Variants in DACH2 observed in about 807,000 individuals in gnomAD.
The protein encoded by DACH2 is dachshund homolog 2.
DACH2 carries 17 observed loss-of-function variants against 35.8 expected under a neutral mutation model. The observed-to-expected ratio is 0.48, with a 90% CI of 0.33 to 0.71. The LOEUF (loss-of-function observed/expected upper bound fraction) is 0.71, where lower values mean the gene tolerates loss of function less well. DACH2 is among the 30% of genes least tolerant of loss of function. The pLI, the probability that DACH2 is intolerant of heterozygous loss-of-function variation, is 0.02. For missense variants in DACH2, 469 were observed against 472.7 expected (o/e 0.99, Z 0.07); for synonymous variants, 195 against 177.3 (o/e 1.10, Z -0.79).
intron 2 of DACH2, among the ~76,000 whole-genome samples, chrX:86,434,515 A>T (rs895825770): frequency 8.9e-6 from 1 of 111,890 alleles, no homozygotes; most frequent in African/African-American, 3.2e-5. Context: ...TTTTTAATAC[A>T]AGTAAAAGTA....
intron 4 of DACH2, among the ~76,000 whole-genome samples, chrX:86,670,483 G>A (rs1008387026): frequency 2.7e-5 from 3 of 111,754 alleles, no homozygotes; most frequent in African/African-American, 9.8e-5. Flanking sequence ...AATAAACATT[G>A]ATTTTTCTTC....
intron 2 of DACH2, among the ~76,000 whole-genome samples, chrX:86,504,478 T>TTATTTA (rs1485810561): frequency 1.5e-3 from 58 of 39,287 alleles, no homozygotes; most frequent in Middle Eastern, 0.016. Context: ...AAAATAGATC[T>TTATTTA]TATTTATTTA....
At position 86,709,895 on chromosome X, in the gene DACH2, G is replaced by A. The variant is rs908857313; in HGVS notation, c.932-4653G>A. 1.3e-4 allele frequency among the ~76,000 whole-genome samples: 15 copies of A among 112,022 alleles called. No individual in the cohort carries two copies. In the East Asian group the frequency reaches 4.2e-3, roughly 32 times the overall value. On this transcript the variant is annotated intron_variant, in intron 5 of 11. Transcript: ENST00000373125. Reference sequence around the variant, plus strand: ...AAATCCAAAATTGTCAACTTCAATTGTTCACAAAGATTTGGAACAACAGGA... The same window carrying A: ...AAATCCAAAATTGTCAACTTCAATTATTCACAAAGATTTGGAACAACAGGA...
At chrX:86,455,599 ACCTC>A (rs1237656547) in intron 2 of DACH2, among the ~76,000 whole-genome samples, 1 of 111,646 alleles carries the variant, frequency 9.0e-6, no homozygotes, top group African/African-American at 3.3e-5. Flanking sequence ...TTGTGTGGGA[ACCTC>A]CCTCCTCCAG....
rs1424926641 is a variant in DACH2 at position 86,537,122 on chromosome X, C to A, written c.640+22731C>A. On this transcript the variant is annotated intron_variant, in intron 3 of 11. Coordinates refer to ENST00000373125, the MANE Select transcript of DACH2 (RefSeq NM_053281.3). Reference sequence around the variant, plus strand: ...ACATTCCTTGCATTCTGTGTAATTGCAGAATTGGCACCATATGTAGGCTGC... The same window carrying A: ...ACATTCCTTGCATTCTGTGTAATTGAAGAATTGGCACCATATGTAGGCTGC... 3.6e-5 allele frequency among the ~76,000 whole-genome samples: 4 copies of A among 111,551 alleles called. No homozygotes were observed. In the South Asian group the frequency reaches 1.1e-3, roughly 32 times the overall value.
At chrX:86,270,958 T>C (rs1455717880) in intron 1 of DACH2, among the ~76,000 whole-genome samples, 1 of 112,067 alleles carries the variant, frequency 8.9e-6, no homozygotes, top group Non-Finnish European at 1.9e-5. Context: ...GTAATATCTT[T>C]CATTTGAATC....
chrX:86,442,925 T>C (rs755311817), intron 2 of DACH2, among the ~76,000 whole-genome samples: 13 of 111,832 alleles, frequency 1.2e-4, no homozygotes, highest in Non-Finnish European at 2.3e-4. Context: ...TTCTGTCCCA[T>C]GGGTCTATGT....
intron 2 of DACH2, among the ~76,000 whole-genome samples, chrX:86,435,902 G>A (rs1170224930): frequency 1.8e-5 from 2 of 111,621 alleles, no homozygotes; most frequent in African/African-American, 6.5e-5. Context: ...CAAGGGATTA[G>A]TGATCCAAAT....
chrX:86,621,241 A>C (rs2040066338), intron 3 of DACH2, among the ~76,000 whole-genome samples: 1 of 111,691 alleles, frequency 9.0e-6, no homozygotes, highest in South Asian at 3.7e-4. Flanking sequence ...CAAGATGTAG[A>C]TACTTAGAGA....
chrX:86,796,259 A>G, intron 7 of DACH2, among the ~76,000 whole-genome samples: 1 of 111,337 alleles, frequency 9.0e-6, no homozygotes, highest in Non-Finnish European at 1.9e-5. Flanking sequence ...ACAAACCTTT[A>G]CCTAGACACA....
chrX:86,673,759 G>T (rs1031683499), intron 4 of DACH2, among the ~76,000 whole-genome samples: 1 of 111,640 alleles, frequency 9.0e-6, no homozygotes, highest in African/African-American at 3.3e-5. Flanking sequence ...CATTCCCAGT[G>T]TTGGAGGTGG....
intron 1 of DACH2, among the ~76,000 whole-genome samples, chrX:86,333,835 G>C (rs903200148): frequency 9.0e-6 from 1 of 110,966 alleles, no homozygotes; most frequent in Admixed American, 9.6e-5. Context: ...CTATACACTT[G>C]CCATGGTGGT....
chrX:86,291,241 A>T (rs1398841700), intron 1 of DACH2, among the ~76,000 whole-genome samples: 11 of 108,024 alleles, frequency 1.0e-4, no homozygotes, highest in African/African-American at 3.8e-4. Context: ...TTGTTGGTGT[A>T]TAAGAATGCT....
chrX:86,278,338 T>C (rs2033957927), intron 1 of DACH2, among the ~76,000 whole-genome samples: 1 of 111,779 alleles, frequency 8.9e-6, no homozygotes, highest in East Asian at 2.8e-4. Context: ...TCATCTGCCA[T>C]GTTTATCTGA....
Position 86,197,567 on chromosome X carries a change from A to C in DACH2, c.488+48459A>C, listed in dbSNP as rs6623593. ...GTTCAAAATAAAGGGATGGAGAAAAATCTACCAAGCAAATAGAAAACAGAA... is the reference window on the plus strand; with the variant it reads ...GTTCAAAATAAAGGGATGGAGAAAACTCTACCAAGCAAATAGAAAACAGAA... On this transcript the variant is annotated intron_variant, in intron 1 of 11. Transcript: ENST00000373125. 5.8e-3 allele frequency among the ~76,000 whole-genome samples: 648 copies of C among 111,304 alleles called. 21 individuals carry two copies. In the East Asian group the frequency reaches 0.12, roughly 21 times the overall value.
At chrX:86,600,232 A>T (rs750785184) in intron 3 of DACH2, among the ~76,000 whole-genome samples, 1 of 111,960 alleles carries the variant, frequency 8.9e-6, no homozygotes, top group Non-Finnish European at 1.9e-5. Context: ...TTCTTTTGCT[A>T]TATGCAATTT....
intron 1 of DACH2, among the ~76,000 whole-genome samples, chrX:86,227,236 C>T (rs1422782129): frequency 1.9e-5 from 2 of 104,528 alleles, no homozygotes; most frequent in African/African-American, 6.6e-5. Context: ...GTTTTTGACA[C>T]TGTTATTCAT....
intron 1 of DACH2, among the ~76,000 whole-genome samples, chrX:86,280,401 G>T (rs1301325778): frequency 1.8e-5 from 2 of 112,027 alleles, no homozygotes; most frequent in Middle Eastern, 4.6e-3. Context: ...ACAAGCAAAT[G>T]CTAAGAGATT....
Position 86,651,140 on chromosome X carries a change from G to A in DACH2, c.745G>A (p.Glu249Lys). The A allele has an allele frequency of 1.7e-6, 2 of 1,209,431 alleles. No homozygotes were observed. The highest frequency in any genetic ancestry group is 3.5e-5 in the South Asian group (2 of 56,543). The change falls in exon 4 of 12, where the codon GAG becomes AAG. Residue 249 changes from glutamate to lysine, a missense_variant. Physicochemically the swap from Glu to Lys is moderately conservative, Grantham distance 56. This residue lies in a region of DACH2 where 363 missense variants were observed against 334.4 expected (regional missense o/e 1.09). Transcript: ENST00000373125. ...GNGSQNGTES[E>K]PDDLNSNTGG... ...TGGAAGCCAAAATGGGACCGAATCA[G>A]AGCCTGATGATCTTAATTCTAACAC...
Sources: gnomAD v4.1 joint callset for allele counts (sites outside exome capture counted in the v4.1 genomes callset) on GRCh38, gnomAD v4.1.1 for gene constraint, gnomAD v4.1.1 regional missense constraint, MANE v1.5 for transcripts, NCBI Gene and HGNC (gene_info 2026-07-23, HGNC 2026-07-21) for gene names.